Variants in PIK3C2G observed in about 807,000 individuals in gnomAD.
The protein encoded by PIK3C2G is phosphatidylinositol-4-phosphate 3-kinase catalytic subunit type 2 gamma, also known as phosphatidylinositol 3-kinase C2 domain-containing subunit gamma.
PIK3C2G carries 168 observed loss-of-function variants against 181.1 expected under a neutral mutation model. The ratio of observed to expected loss-of-function variants is 0.93; its 90% CI spans 0.82 to 1.05. The LOEUF is 1.05. Among genes scored for constraint, PIK3C2G ranks in the 50% least tolerant of loss-of-function variants. PIK3C2G has a pLI of 0.00. For synonymous variants in PIK3C2G, 573 were observed against 592.2 expected, an observed-to-expected ratio of 0.97 and a Z score of 0.47; for missense variants, 1,869 against 1,732.8, an observed-to-expected ratio of 1.08 and a Z score of -1.40.
intron 3 of PIK3C2G, 64 bp from the exon 4 acceptor site, chr12:18,290,791 A>G: frequency 2.0e-6 from 2 of 989,518 alleles, no homozygotes; most frequent in Non-Finnish European, 1.5e-6. Context: ...ATTGTGGGCA[A>G]TATGTTTTAA....
chr12:18,411,363 T>G (rs968644287), intron 16 of PIK3C2G, among the ~76,000 whole-genome samples: 2 of 151,980 alleles, frequency 1.3e-5, no homozygotes, highest in Non-Finnish European at 2.9e-5. Flanking sequence ...CGAGTTTGAG[T>G]TTTTTCATCT....
At chr12:18,375,702 T>G (rs1056910630) in intron 13 of PIK3C2G, among the ~76,000 whole-genome samples, 1 of 152,202 alleles carries the variant, frequency 6.6e-6, no homozygotes, top group African/African-American at 2.4e-5. Context: ...ATTTCAGAGA[T>G]ATTCCAGGCA....
chr12:18,696,322 C>CTATATATATATAGATATATA, the PIK3C2G span: 1 of 253,072 alleles, frequency 4.0e-6, no homozygotes, highest in African/African-American at 6.1e-5. Flanking sequence ...TAAAAAGCCA[C>CTATATATATATAGATATATA]TATATATATA....
At chr12:18,669,962 C>T in the PIK3C2G span, among the ~76,000 whole-genome samples, 1 of 152,242 alleles carries the variant, frequency 6.6e-6, no homozygotes, top group South Asian at 2.1e-4. Context: ...GCCACCGCGC[C>T]CGGCCCTCTT....
chr12:18,426,213 A>C (rs1373655503), intron 18 of PIK3C2G, among the ~76,000 whole-genome samples: 1 of 152,138 alleles, frequency 6.6e-6, no homozygotes, highest in Non-Finnish European at 1.5e-5. Flanking sequence ...ATGTGGTTTA[A>C]AATTACTATT....
At chr12:18,250,443 G>A (rs1948084670) in intron 1 of PIK3C2G, among the ~76,000 whole-genome samples, 1 of 152,026 alleles carries the variant, frequency 6.6e-6, no homozygotes, top group Non-Finnish European at 1.5e-5. Flanking sequence ...TCATGTCCTA[G>A]TTCTTTTAGC....
At chr12:18,499,337 C>T (rs2136096880) in intron 22 of PIK3C2G, among the ~76,000 whole-genome samples, 1 of 152,238 alleles carries the variant, frequency 6.6e-6, no homozygotes, top group East Asian at 1.9e-4. Context: ...TAATCAGGTT[C>T]CAAGGCTTAC....
the PIK3C2G span, among the ~76,000 whole-genome samples, chr12:18,661,590 C>T: frequency 5.3e-3 from 806 of 152,174 alleles, 4 homozygotes; most frequent in African/African-American, 0.018. Flanking sequence ...ACCAAAACCA[C>T]GATGAGAGAC....
At chr12:18,652,272 T>C (rs893772199), downstream of PIK3C2G, among the ~76,000 whole-genome samples, 1 of 152,116 alleles carries the variant, frequency 6.6e-6, no homozygotes. Flanking sequence ...TATAAGTATA[T>C]GACTGATATA....
chr12:18,459,120 G>C (rs1463046457), intron 18 of PIK3C2G, among the ~76,000 whole-genome samples: 1 of 152,106 alleles, frequency 6.6e-6, no homozygotes, highest in African/African-American at 2.4e-5. Context: ...TGTCAGCACT[G>C]ACTCTTATTA....
intron 18 of PIK3C2G, among the ~76,000 whole-genome samples, chr12:18,463,662 A>T (rs763937496): frequency 6.6e-6 from 1 of 152,212 alleles, no homozygotes; most frequent in East Asian, 1.9e-4. Flanking sequence ...AAACCAAGGC[A>T]ATTAAGACAG....
chr12:18,317,556 T>G (rs778249902), intron 6 of PIK3C2G, among the ~76,000 whole-genome samples: 2 of 152,082 alleles, frequency 1.3e-5, no homozygotes, highest in Non-Finnish European at 2.9e-5. Flanking sequence ...AACAAATATA[T>G]ATAATGAAGT....
intron 9 of PIK3C2G, among the ~76,000 whole-genome samples, chr12:18,341,648 A>G (rs753783845): frequency 1.8e-4 from 28 of 152,204 alleles, no homozygotes; most frequent in Non-Finnish European, 3.1e-4. Flanking sequence ...CCCATTTTAA[A>G]TGTGAGCCCA....
intron 5 of PIK3C2G, among the ~76,000 whole-genome samples, chr12:18,298,976 G>A (rs868572146): frequency 2.6e-5 from 4 of 152,040 alleles, no homozygotes; most frequent in Middle Eastern, 6.8e-3. Flanking sequence ...TTGAAGGCAA[G>A]TAGTGTGATG....
chr12:18,584,111 G>T (rs1415312866), intron 29 of PIK3C2G, among the ~76,000 whole-genome samples: 1 of 151,176 alleles, frequency 6.6e-6, no homozygotes, highest in Non-Finnish European at 1.5e-5. Flanking sequence ...TCACCACAAG[G>T]TCCACCTCCC....
intron 30 of PIK3C2G, among the ~76,000 whole-genome samples, chr12:18,598,518 A>C (rs75414398): frequency 4.6e-5 from 7 of 151,912 alleles, no homozygotes; most frequent in Admixed American, 1.3e-4. Context: ...TTAAAGACTT[A>C]AACGTTAGAC....
At chr12:18,723,296 G>A in the PIK3C2G span, 1 of 1,594,276 alleles carries the variant, frequency 6.3e-7, no homozygotes, top group South Asian at 1.1e-5. Context: ...ATAAAAGTTT[G>A]AAATGCAAAC....
intron 12 of PIK3C2G, among the ~76,000 whole-genome samples, chr12:18,365,121 C>T (rs146346968): frequency 3.0e-4 from 45 of 152,242 alleles, no homozygotes; most frequent in African/African-American, 1.1e-3. Flanking sequence ...TGGCCCAGTT[C>T]CCACAACCAG....
chr12:18,538,281 A>G lies in PIK3C2G; in HGVS notation c.3449A>G (p.His1150Arg), dbSNP rs1943965981. 1 of 1,611,212 alleles carries G rather than the reference A, an allele frequency of 6.2e-7. No homozygotes were observed. Among genetic ancestry groups the G allele is most frequent in the African/African-American group, 1.3e-5 (1 of 74,654 alleles). The stretch of plus-strand genomic sequence containing the variant: ...CGTGCTTATAATATTATCAGAAAGC[A>G]CAGCCAACTGCTCTTGAACCTGCTG... The part of the protein sequence containing the change: ...CCRAYNIIRK[H>R]SQLLLNLLEM... Residue 1150 changes from histidine to arginine, a missense_variant, in exon 25 of 33, where the codon CAC becomes CGC. Transcript: ENST00000538779.
Sources: gnomAD v4.1 joint callset for allele counts (sites outside exome capture counted in the v4.1 genomes callset) on GRCh38, gnomAD v4.1.1 for gene constraint, MANE v1.5 for transcripts, NCBI Gene and HGNC (gene_info 2026-07-23, HGNC 2026-07-21) for gene names.